ZMYM5: variants seen among roughly 807,000 people sequenced by gnomAD.
ZMYM5 encodes the protein zinc finger MYM-type protein 5.
A neutral mutation model predicts 61.8 loss-of-function variants in ZMYM5; 41 were observed. The ratio of observed to expected loss-of-function variants is 0.66; its 90% confidence interval spans 0.52 to 0.86. The LOEUF (loss-of-function observed/expected upper bound fraction) is 0.86, where lower values mean the gene tolerates loss of function less well. Among genes scored for constraint, ZMYM5 ranks in the 40% least tolerant of loss-of-function variants. The pLI is 0.00. For missense variants in ZMYM5, 706 were observed against 786.7 expected, an observed-to-expected ratio of 0.90 and a Z score of 1.23; for synonymous variants, 257 against 276.4, an observed-to-expected ratio of 0.93 and a Z score of 0.70.
intron 4 of ZMYM5, among the ~76,000 whole-genome samples, chr13:19,845,756 C>A (rs1953053381): frequency 6.6e-6 from 1 of 152,116 alleles, no homozygotes; most frequent in Non-Finnish European, 1.5e-5. Context: ...TGGGAGGGTC[C>A]CAAATGCAGA....
chr13:19,835,463 T>C lies in ZMYM5; in HGVS notation c.1251+14A>G. The C allele has an allele frequency of 7.4e-7, 1 of 1,359,478 alleles. No individual in the cohort carries two copies. The highest frequency in any genetic ancestry group is 9.8e-7 in the Non-Finnish European group (1 of 1,015,932). The allele number at this position is 1,359,478 out of a possible 1,614,324, so 84.2% of individuals were successfully genotyped here. On this transcript the variant is annotated intron_variant, in intron 7 of 7. Coordinates refer to ENST00000337963, the MANE Select transcript of ZMYM5 (RefSeq NM_001142684.2). ...TATATATTTGATCATTTAAAGCTCATGAAAAAGAATTACCTGTTTATATTC... is the reference window on the plus strand; with the variant it reads ...TATATATTTGATCATTTAAAGCTCACGAAAAAGAATTACCTGTTTATATTC...
chr13:19,849,630 T>C (rs1464350946), intron 4 of ZMYM5, among the ~76,000 whole-genome samples: 3 of 152,170 alleles, frequency 2.0e-5, no homozygotes, highest in Non-Finnish European at 2.9e-5. Flanking sequence ...TTCTAAATAT[T>C]CTATAATAAT....
chr13:19,834,096 C>T (rs1952601418), intron 7 of ZMYM5, among the ~76,000 whole-genome samples: 1 of 152,222 alleles, frequency 6.6e-6, no homozygotes, highest in Non-Finnish European at 1.5e-5. Context: ...CCTGCCTCAG[C>T]CTCCAGAGTA....
chr13:19,841,506 T>C (rs544051926), intron 4 of ZMYM5, among the ~76,000 whole-genome samples: 24 of 151,510 alleles, frequency 1.6e-4, no homozygotes, highest in Non-Finnish European at 3.4e-4. Context: ...TTTGTAGCTC[T>C]TGATGTCTGA....
chr13:19,848,197 C>G (rs1371221931), intron 4 of ZMYM5, among the ~76,000 whole-genome samples: 1 of 151,820 alleles, frequency 6.6e-6, no homozygotes, highest in East Asian at 1.9e-4. Context: ...GTTGGCCAGG[C>G]TGGTCTTGAA....
intron 4 of ZMYM5, among the ~76,000 whole-genome samples, chr13:19,846,800 A>G (rs1054849342): frequency 1.3e-5 from 2 of 151,276 alleles, no homozygotes; most frequent in Non-Finnish European, 2.9e-5. Flanking sequence ...TATGGCATGC[A>G]CTTGTAGTCT....
chr13:19,842,521 T>TA (rs2138555704), intron 4 of ZMYM5, among the ~76,000 whole-genome samples: 1 of 152,124 alleles, frequency 6.6e-6, no homozygotes, highest in South Asian at 2.1e-4. Flanking sequence ...TGACAGCAAG[T>TA]AAAAAGAAAA....
rs1375433950 is a variant in ZMYM5 at position 19,838,788 on chromosome 13, C to G, written c.784G>C (p.Gly262Arg). Reference sequence around the variant, plus strand: ...GTAGAGCAAAAGAGGTGAGCTGATCCTTTTCGTTGATAAGCTGTCTGTCCC... The same window carrying G: ...GTAGAGCAAAAGAGGTGAGCTGATCGTTTTCGTTGATAAGCTGTCTGTCCC... ...QKGQTAYQRK[G>R]SAHLFCSTTC... The change falls in exon 5 of 8, where the codon GGA becomes CGA. Residue 262 changes from glycine to arginine, a missense_variant. By Grantham distance (125) the Gly-to-Arg change is moderately radical (BLOSUM62 -2). Transcript: ENST00000337963. The G allele has an allele frequency of 2.5e-6, 4 of 1,614,122 alleles. No homozygotes were observed. The highest frequency in any genetic ancestry group is 3.4e-6 in the Non-Finnish European group (4 of 1,180,026).
chr13:19,838,300 C>T (rs760620795), intron 5 of ZMYM5, among the ~76,000 whole-genome samples: 1 of 152,158 alleles, frequency 6.6e-6, no homozygotes, highest in Admixed American at 6.6e-5. Flanking sequence ...ATCGCTTGAA[C>T]CTGGGAGGTG....
At position 19,838,921 on chromosome 13, in the gene ZMYM5, TAAAG is replaced by T. The variant is rs750062464; in HGVS notation, c.647_650del (p.Ser216TyrfsTer71). On this transcript the variant is annotated frameshift_variant, in exon 5 of 8. Transcript: ENST00000337963. LOFTEE classifies it high-confidence loss of function. ...GCTTACGAAGTAAGGCCACTGGTGA[TAAAG>T]AATCCACCCCTGGCTGTTTCTGATT... 6.2e-7 allele frequency: 1 copy of T among 1,614,132 alleles called. No individual in the cohort carries two copies. Among genetic ancestry groups the T allele is most frequent in the Non-Finnish European group, 8.5e-7 (1 of 1,180,018 alleles).
At chr13:19,836,196 G>T (rs1047294711) in intron 6 of ZMYM5, among the ~76,000 whole-genome samples, 6 of 151,812 alleles carry the variant, frequency 4.0e-5, no homozygotes, top group African/African-American at 1.5e-4. Context: ...CACAAAAGAG[G>T]ACAAGATTCA....
intron 7 of ZMYM5, among the ~76,000 whole-genome samples, chr13:19,834,348 A>G (rs765509715): frequency 1.3e-5 from 2 of 152,018 alleles, no homozygotes; most frequent in African/African-American, 2.4e-5. Flanking sequence ...TATAAAATAC[A>G]TGTATCCAGA....
intron 2 of ZMYM5, among the ~76,000 whole-genome samples, chr13:19,853,201 A>G (rs920342219): frequency 1.3e-5 from 2 of 152,218 alleles, no homozygotes; most frequent in African/African-American, 4.8e-5. Flanking sequence ...TATACTTACT[A>G]TGCACTAAGC....
chr13:19,860,784 G>GC (rs1171966161), intron 2 of ZMYM5, among the ~76,000 whole-genome samples: 1 of 150,716 alleles, frequency 6.6e-6, no homozygotes, highest in Non-Finnish European at 1.5e-5. Flanking sequence ...AAGCTTAGTG[G>GC]CAAAAAGGAA....
chr13:19,841,009 TTGA>T, intron 4 of ZMYM5, among the ~76,000 whole-genome samples: 1 of 144,880 alleles, frequency 6.9e-6, no homozygotes, highest in African/African-American at 2.6e-5. Flanking sequence ...TTTTTTTTTT[TTGA>T]GACAGAGTCT....
At chr13:19,839,013 T>C in intron 4 of ZMYM5, 28 bp from the exon 5 acceptor site, 2 of 1,592,802 alleles carry the variant, frequency 1.3e-6, no homozygotes, top group South Asian at 1.1e-5. Flanking sequence ...AAAAAAATCA[T>C]GGAACAAATC....
intron 2 of ZMYM5, among the ~76,000 whole-genome samples, chr13:19,852,689 G>A (rs1274691005): frequency 6.6e-6 from 1 of 152,066 alleles, no homozygotes. Context: ...GTCCATTTAT[G>A]CCAGATATTA....
intron 1 of ZMYM5, among the ~76,000 whole-genome samples, chr13:19,862,673 A>G (rs922656515): frequency 6.6e-6 from 1 of 152,196 alleles, no homozygotes; most frequent in African/African-American, 2.4e-5. Context: ...GCTTCGTCCA[A>G]CTGCAGTACT....
At chr13:19,849,658 C>T (rs66500642) in intron 4 of ZMYM5, among the ~76,000 whole-genome samples, 14,959 of 151,900 alleles carry the variant, frequency 0.098, 868 homozygotes, top group African/African-American at 0.16. Context: ...TATTTCGTAA[C>T]CAGAAGATAA....
Sources: gnomAD v4.1 joint callset for allele counts (sites outside exome capture counted in the v4.1 genomes callset) on GRCh38, gnomAD v4.1.1 for gene constraint, MANE v1.5 for transcripts, NCBI Gene and HGNC (gene_info 2026-07-23, HGNC 2026-07-21) for gene names.